Variants in LMBRD1 observed in about 807,000 individuals in gnomAD.
LMBRD1 encodes the protein lysosomal cobalamin transport escort protein LMBD1.
LMBRD1 carries 64 observed loss-of-function variants against 74.8 expected under a neutral mutation model. That is an observed-to-expected ratio of 0.86 (90% CI 0.70 to 1.05). LMBRD1 has a LOEUF of 1.05. Among genes scored for constraint, LMBRD1 ranks in the 50% least tolerant of loss-of-function variants. LMBRD1 has a pLI of 0.00. For synonymous variants in LMBRD1, 204 were observed against 216.3 expected (o/e 0.94, Z 0.50); for missense variants, 652 against 645.9 (o/e 1.01, Z -0.10).
chr6:69,692,644 C>G (rs1765915588), intron 14 of LMBRD1, among the ~76,000 whole-genome samples: 1 of 151,682 alleles, frequency 6.6e-6, no homozygotes, highest in South Asian at 2.1e-4. Flanking sequence ...TTGAAATATC[C>G]ATATGTTATT....
chr6:69,741,671 G>C, intron 6 of LMBRD1, 118 bp downstream of exon 6: 1 of 640,680 alleles, frequency 1.6e-6, no homozygotes, highest in Non-Finnish European at 2.8e-6. Context: ...TTACAGGCAT[G>C]AGCCACCACG....
At chr6:69,789,841 T>C (rs974149528) in intron 2 of LMBRD1, among the ~76,000 whole-genome samples, 1 of 152,204 alleles carries the variant, frequency 6.6e-6, no homozygotes, top group African/African-American at 2.4e-5. Flanking sequence ...GTTAAGTGGT[T>C]TGGCTAAAGG....
rs183007263 is a variant in LMBRD1, at chr6:69,791,988, C to T, written c.70-1516G>A. 3.9e-3 allele frequency among the ~76,000 whole-genome samples: 598 copies of T among 152,344 alleles called. 4 individuals are homozygous for T. The highest frequency in any genetic ancestry group is 0.031 in the Middle Eastern group (9 of 294). ...ACCTCATTATATGCTCATTAACATGCTCAATCACACACCTACCAGCACCAT... is the reference window on the plus strand; with the variant it reads ...ACCTCATTATATGCTCATTAACATGTTCAATCACACACCTACCAGCACCAT... On this transcript the variant is annotated intron_variant, in intron 1 of 15. Coordinates refer to ENST00000649934, the MANE Select transcript of LMBRD1 (RefSeq NM_018368.4).
At chr6:69,755,935 A>G (rs1765258414) in intron 3 of LMBRD1, among the ~76,000 whole-genome samples, 1 of 152,218 alleles carries the variant, frequency 6.6e-6, no homozygotes, top group Non-Finnish European at 1.5e-5. Context: ...TTGTGTGATA[A>G]ACAATCTTTT....
intron 14 of LMBRD1, among the ~76,000 whole-genome samples, chr6:69,684,050 G>A (rs1440094170): frequency 6.6e-6 from 1 of 151,674 alleles, no homozygotes; most frequent in Non-Finnish European, 1.5e-5. Flanking sequence ...ATCAACATGA[G>A]GGAAAAAGAA....
chr6:69,796,877 G>A lies in LMBRD1; in HGVS notation c.5C>T (p.Ala2Val), dbSNP rs554992244. The change falls in exon 1 of 16, where the codon GCG becomes GTG. Residue 2 changes from alanine to valine, a missense_variant. Coordinates refer to ENST00000649934, the MANE Select transcript of LMBRD1 (RefSeq NM_018368.4). ...CTCCGCCGAGGCCGCGCCAGAAGTC[G>A]CCATCTTCGCTTCCGGTCCAGACCA... Reference protein sequence around the residue: MATSGAASAELV... With the variant: MVTSGAASAELV... 2.5e-6 allele frequency: 4 copies of A among 1,613,534 alleles called. No individual in the cohort carries two copies. Among genetic ancestry groups the A allele is most frequent in the South Asian group, 1.1e-5 (1 of 91,068 alleles).
intron 9 of LMBRD1, among the ~76,000 whole-genome samples, chr6:69,711,793 C>G (rs1766388873): frequency 6.6e-6 from 1 of 152,080 alleles, no homozygotes; most frequent in Non-Finnish European, 1.5e-5. Context: ...CAAATTGAAC[C>G]TGACTGACTC....
intron 3 of LMBRD1, among the ~76,000 whole-genome samples, chr6:69,772,023 C>A (rs1765587354): frequency 6.6e-6 from 1 of 152,126 alleles, no homozygotes; most frequent in African/African-American, 2.4e-5. Context: ...AAACTCTATC[C>A]TTCTTGTTGC....
chr6:69,709,817 A>G (rs1481574161), intron 9 of LMBRD1, among the ~76,000 whole-genome samples: 1 of 152,196 alleles, frequency 6.6e-6, no homozygotes, highest in Non-Finnish European at 1.5e-5. Context: ...AAAAATACTT[A>G]GAGGTAAATT....
At chr6:69,730,358 C>T (rs1438586020) in intron 7 of LMBRD1, among the ~76,000 whole-genome samples, 26 of 151,998 alleles carry the variant, frequency 1.7e-4, no homozygotes. Context: ...ATGTCTTCCA[C>T]ATATTTGTGA....
chr6:69,790,495 G>A (rs376610626), intron 1 of LMBRD1, 23 bp from the exon 2 acceptor site: 59 of 1,602,542 alleles, frequency 3.7e-5, no homozygotes, highest in East Asian at 3.6e-4. Flanking sequence ...AAAAAGAGAT[G>A]TTTGTTACTA....
chr6:69,731,556 T>C (rs535187119), intron 7 of LMBRD1, among the ~76,000 whole-genome samples: 1 of 152,234 alleles, frequency 6.6e-6, no homozygotes, highest in African/African-American at 2.4e-5. Context: ...TTCAGTACAG[T>C]AGTCAATAAA....
Position 69,716,948 on chromosome 6 carries a change from T to C in LMBRD1, c.762+2008A>G, listed in dbSNP as rs180853371. On this transcript the variant is annotated intron_variant, in intron 8 of 15. Transcript: ENST00000649934. The stretch of plus-strand genomic sequence containing the variant: ...ATATGTACAGGCACATGTCACAACA[T>C]TCAATTTTCTTTAAAAAGTTGTATA... 7.3e-4 allele frequency among the ~76,000 whole-genome samples: 111 copies of C among 151,744 alleles called. No homozygotes were observed. The East Asian group carries it at 0.018, about 25-fold the overall frequency.
intron 3 of LMBRD1, among the ~76,000 whole-genome samples, chr6:69,755,310 C>G (rs13200278): frequency 6.6e-6 from 1 of 152,136 alleles, no homozygotes; most frequent in Non-Finnish European, 1.5e-5. Context: ...AGCCATCATT[C>G]TCAGCAAACT....
At chr6:69,749,840 GTATA>G (rs2149876510) in intron 4 of LMBRD1, among the ~76,000 whole-genome samples, 1 of 147,332 alleles carries the variant, frequency 6.8e-6, no homozygotes, top group Non-Finnish European at 1.5e-5. Context: ...AAATATATTT[GTATA>G]TATACATACT....
intron 9 of LMBRD1, chr6:69,706,081 T>G (rs1276885821): frequency 2.0e-5 from 14 of 683,688 alleles, no homozygotes; most frequent in Non-Finnish European, 3.5e-5. Context: ...GTGATAATCT[T>G]TGTCAGCCTG....
At chr6:69,686,268 A>G (rs1765762051) in intron 14 of LMBRD1, among the ~76,000 whole-genome samples, 1 of 152,194 alleles carries the variant, frequency 6.6e-6, no homozygotes, top group Non-Finnish European at 1.5e-5. Context: ...TTCCCCATAC[A>G]TAGCTAACAG....
chr6:69,779,955 G>A (rs1238118618), intron 3 of LMBRD1, among the ~76,000 whole-genome samples: 1 of 152,148 alleles, frequency 6.6e-6, no homozygotes, highest in African/African-American at 2.4e-5. Flanking sequence ...GCAAATGCAA[G>A]CCATTAGAAA....
In LMBRD1 at chr6:69,676,549, A is replaced by G. The variant is rs1211997587; in HGVS notation, c.1418-8T>C. 1 of 1,590,458 alleles carries G rather than the reference A, an allele frequency of 6.3e-7. No individual in the cohort carries two copies. The highest frequency in any genetic ancestry group is 2.2e-5 in the East Asian group (1 of 44,648). The stretch of plus-strand genomic sequence containing the variant: ...GGGTAACAGTACACTGATCTGTGAA[A>G]GCAAATAAAAGACTATGGTGAGATA... On this transcript the variant is annotated splice_polypyrimidine_tract_variant and splice_region_variant and intron_variant, in intron 14 of 15. Transcript: ENST00000649934.
Sources: allele counts gnomAD v4.1 joint callset (sites outside exome capture counted in the v4.1 genomes callset), GRCh38; gene constraint gnomAD v4.1.1; transcripts MANE v1.5; gene names NCBI Gene and HGNC (gene_info 2026-07-23, HGNC 2026-07-21).